The following XRN1 variants were observed in gnomAD, a reference collection of about 807,000 sequenced individuals.
XRN1 encodes strand-exchange protein 1 homolog.
A neutral mutation model predicts 222.3 loss-of-function variants in XRN1; 67 were observed. The observed-to-expected ratio is 0.30, with a 90% confidence interval of 0.25 to 0.37. XRN1 has a LOEUF of 0.37. XRN1 is among the 10% of genes least tolerant of loss of function. The pLI is 1.00. For synonymous variants in XRN1, 643 were observed against 652.4 expected (o/e 0.99, Z 0.22); for missense variants, 1,707 against 2,000.2 (o/e 0.85, Z 2.80).
At chr3:142,414,023 T>C (rs1472890336) in intron 14 of XRN1, 112 bp downstream of exon 14, 1 of 1,135,834 alleles carries the variant, frequency 8.8e-7, no homozygotes, top group Non-Finnish European at 1.2e-6. Context: ...GGTTTAAAAC[T>C]GAAAATAACT....
chr3:142,414,265 A>C lies in XRN1; in HGVS notation c.1463T>G (p.Phe488Cys), dbSNP rs745413600. ...ACTGATGTTGTGTATATCAGACAGG[A>C]AAGGTGCATAATGATAAGGATAATA... Reference protein sequence around the residue: ...SWYYPYHYAPFLSDIHNISTL... With the variant: ...SWYYPYHYAPCLSDIHNISTL... Residue 488 changes from phenylalanine (F) to cysteine (C), a missense_variant, in exon 14 of 41, where the codon TTC becomes TGC. By Grantham distance (205) the Phe-to-Cys change is radical (BLOSUM62 -2). Around this residue, in one of 2 missense-constraint regions of XRN1, gnomAD observed 1,234 missense variants for 1,518.2 expected, o/e 0.81. Coordinates refer to ENST00000392981, the MANE Select transcript of XRN1 (RefSeq NM_001282857.2). 5 of 1,611,754 alleles carry C rather than the reference A, an allele frequency of 3.1e-6. No individual in the cohort carries two copies. In the South Asian group the frequency reaches 5.5e-5, roughly 18 times the overall value.
intron 30 of XRN1, among the ~76,000 whole-genome samples, chr3:142,358,812 G>A (rs139590111): frequency 4.4e-4 from 67 of 152,056 alleles, no homozygotes; most frequent in Non-Finnish European, 7.8e-4. Context: ...GTGACTACTT[G>A]GTATAACAGC....
At chr3:142,327,013 T>C (rs1227239514) in intron 37 of XRN1, among the ~76,000 whole-genome samples, 1 of 152,216 alleles carries the variant, frequency 6.6e-6, no homozygotes, top group East Asian at 1.9e-4. Context: ...TTGAATTCAA[T>C]TCACTAGTAT....
chr3:142,316,291 A>G (rs1329425242), intron 39 of XRN1, among the ~76,000 whole-genome samples: 2 of 141,056 alleles, frequency 1.4e-5, no homozygotes, highest in African/African-American at 5.4e-5. Flanking sequence ...ATCACAGCTC[A>G]CTGCAGCCTT....
Position 142,384,683 on chromosome 3 carries a change from T to G in XRN1, c.2342A>C (p.Tyr781Ser), listed in dbSNP as rs774274467. ...AKEVQGISEH[Y>S]LRRKGIIINE... The stretch of plus-strand genomic sequence containing the variant: ...TATTATTATTCCTTTTCTTCTCAGG[T>G]AGCTAAAATAAAGAATAAACATGAA... Residue 781 changes from tyrosine (Y) to serine (S), a missense_variant and splice_region_variant, in exon 21 of 41, where the codon TAC (tyrosine) becomes TCC (serine). Transcript: ENST00000392981. 3 of 1,582,448 alleles carry G rather than the reference T, an allele frequency of 1.9e-6. No individual in the cohort carries two copies. The highest frequency in any genetic ancestry group is 2.6e-6 in the Non-Finnish European group (3 of 1,166,112).
At chr3:142,404,660 AC>A (rs1287004772) in intron 16 of XRN1, among the ~76,000 whole-genome samples, 1 of 152,180 alleles carries the variant, frequency 6.6e-6, no homozygotes, top group Non-Finnish European at 1.5e-5. Flanking sequence ...AAATTCAAAC[AC>A]TTTTAATAGA....
chr3:142,404,973 T>C lies in XRN1; in HGVS notation c.1817A>G (p.Asp606Gly). The C allele has an allele frequency of 6.2e-7, 1 of 1,614,056 alleles. No homozygotes were observed. Among genetic ancestry groups the C allele is most frequent in the Non-Finnish European group, 8.5e-7 (1 of 1,179,952 alleles). The change falls in exon 16 of 41, where the codon GAC (aspartate) becomes GGC (glycine). Residue 606 changes from aspartate (D) to glycine (G), a missense_variant. Transcript: ENST00000392981. ...SECLMCWYDR[D>G]TEFIYPSPWP... ...TGGAGAAGGATAGATAAACTCTGTG[T>C]CTCTATCATACCAGCACATTAGGCA...
chr3:142,402,692 C>T (rs1306088022), intron 18 of XRN1, among the ~76,000 whole-genome samples: 2 of 152,256 alleles, frequency 1.3e-5, no homozygotes, highest in Non-Finnish European at 1.5e-5. Flanking sequence ...AAGGCAGTTC[C>T]GGTTAAACAT....
chr3:142,343,052 A>T (rs1384910929), intron 33 of XRN1, among the ~76,000 whole-genome samples: 1 of 152,224 alleles, frequency 6.6e-6, no homozygotes, highest in Non-Finnish European at 1.5e-5. Flanking sequence ...ACCAGAATAT[A>T]TAAGGAGCTC....
chr3:142,406,842 G>A (rs540847139), intron 15 of XRN1, among the ~76,000 whole-genome samples: 6 of 152,270 alleles, frequency 3.9e-5, no homozygotes, highest in African/African-American at 1.4e-4. Flanking sequence ...TGGAGGATGA[G>A]CACAACAGTT....
chr3:142,393,035 T>C (rs1229551644), intron 20 of XRN1, among the ~76,000 whole-genome samples: 2 of 151,954 alleles, frequency 1.3e-5, no homozygotes, highest in East Asian at 3.9e-4. Context: ...TGTGAGATGG[T>C]ATCTCATTGT....
intron 39 of XRN1, among the ~76,000 whole-genome samples, chr3:142,315,443 C>A (rs1046193105): frequency 1.3e-5 from 2 of 151,576 alleles, no homozygotes; most frequent in African/African-American, 4.9e-5. Context: ...ACTTAATGAC[C>A]TTAGACAAAT....
chr3:142,404,474 G>GA (rs913261352), intron 16 of XRN1, among the ~76,000 whole-genome samples: 1 of 152,026 alleles, frequency 6.6e-6, no homozygotes, highest in African/African-American at 2.4e-5. Flanking sequence ...TTCATGAAGA[G>GA]AAAAAAATGG....
intron 25 of XRN1, among the ~76,000 whole-genome samples, chr3:142,372,002 A>C (rs531419192): frequency 6.6e-6 from 1 of 152,308 alleles, no homozygotes; most frequent in South Asian, 2.1e-4. Context: ...ATAAGAAGCA[A>C]GTTGATTTAA....
chr3:142,445,339 A>C (rs903062943), intron 1 of XRN1, among the ~76,000 whole-genome samples: 2 of 151,824 alleles, frequency 1.3e-5, no homozygotes, highest in African/African-American at 4.8e-5. Flanking sequence ...TTTGGTTATA[A>C]TTTTGGTCTA....
intron 21 of XRN1, 146 bp from the exon 22 acceptor site, chr3:142,383,559 C>CT: frequency 1.5e-6 from 1 of 677,600 alleles, no homozygotes; most frequent in Non-Finnish European, 2.5e-6. Flanking sequence ...AATTTGTTGA[C>CT]TGGTTATATG....
At chr3:142,413,249 G>C (rs1388085572) in intron 14 of XRN1, among the ~76,000 whole-genome samples, 1 of 152,078 alleles carries the variant, frequency 6.6e-6, no homozygotes, top group Non-Finnish European at 1.5e-5. Flanking sequence ...ATACTCTCAG[G>C]GTAATATTCA....
At chr3:142,416,094 A>G (rs2068776180) in intron 13 of XRN1, among the ~76,000 whole-genome samples, 2 of 152,128 alleles carry the variant, frequency 1.3e-5, no homozygotes, top group Non-Finnish European at 2.9e-5. Context: ...CAAAAAAAAA[A>G]AGAACTCCTT....
chr3:142,424,800 G>A (rs1400049000), intron 5 of XRN1, among the ~76,000 whole-genome samples: 1 of 152,002 alleles, frequency 6.6e-6, no homozygotes, highest in South Asian at 2.1e-4. Flanking sequence ...GGTATACGAT[G>A]TTCATTATAT....
Sources: gnomAD v4.1 joint callset for allele counts (sites outside exome capture counted in the v4.1 genomes callset) on GRCh38, gnomAD v4.1.1 for gene constraint, gnomAD v4.1.1 regional missense constraint, MANE v1.5 for transcripts, NCBI Gene and HGNC (gene_info 2026-07-23, HGNC 2026-07-21) for gene names.